The following CUX1 variants were observed in gnomAD, a reference collection of about 807,000 sequenced individuals.
The protein encoded by CUX1 is cut like homeobox 1.
A neutral mutation model predicts 158.8 loss-of-function variants in CUX1; 31 were observed. That is an observed-to-expected ratio of 0.20 (90% CI 0.15 to 0.26). The LOEUF is 0.26. Ranked by LOEUF, CUX1 falls within the 10% of genes least tolerant of loss-of-function variation. CUX1 has a pLI of 1.00. For synonymous variants in CUX1, 879 were observed against 862.1 expected, an observed-to-expected ratio of 1.02 and a Z score of -0.34; for missense variants, 1,589 against 2,014.6, an observed-to-expected ratio of 0.79 and a Z score of 4.04.
Position 102,068,225 on chromosome 7 carries a change from G to A in CUX1, c.190-2114G>A, listed in dbSNP as rs1248586622. Among the ~76,000 whole-genome samples the A allele has an allele frequency of 2.6e-5, 4 of 151,284 alleles. No individual in the cohort carries two copies. The East Asian group carries it at 7.9e-4, about 30-fold the overall frequency. On this transcript the variant is annotated intron_variant, in intron 3 of 23. Transcript: ENST00000292535. ...TCCCACCTCAGCCTCCCAAGTAGCT[G>A]GTATTACAGGTGCATTGCCACCCCG...
chr7:101,830,245 G>A (rs1176753574), intron 1 of CUX1, among the ~76,000 whole-genome samples: 2 of 152,200 alleles, frequency 1.3e-5, no homozygotes, highest in African/African-American at 2.4e-5. Flanking sequence ...TGACATGGTC[G>A]GGGCAGCACC....
At chr7:101,992,800 C>T (rs1422796951) in intron 2 of CUX1, among the ~76,000 whole-genome samples, 7 of 152,060 alleles carry the variant, frequency 4.6e-5, no homozygotes, top group Non-Finnish European at 1.0e-4. Context: ...CTCCAACCCC[C>T]GCCCCGCCGG....
chr7:102,270,055 C>G (rs147634425), intron 14 of CUX1, among the ~76,000 whole-genome samples: 1 of 152,346 alleles, frequency 6.6e-6, no homozygotes, highest in African/African-American at 2.4e-5. Flanking sequence ...ACAGCTCTCT[C>G]TCCAGCTCCT....
At chr7:102,269,817 A>T (rs1554545870) in intron 14 of CUX1, among the ~76,000 whole-genome samples, 3 of 141,212 alleles carry the variant, frequency 2.1e-5, no homozygotes, top group African/African-American at 7.4e-5. Flanking sequence ...GTCTTCTTCC[A>T]TGCCCCCCCC....
intron 2 of CUX1, among the ~76,000 whole-genome samples, chr7:101,996,422 C>T (rs908685927): frequency 2.0e-5 from 3 of 152,028 alleles, no homozygotes; most frequent in Admixed American, 6.5e-5. Flanking sequence ...GCAGGTGGTC[C>T]GGCCCTGCTG....
intron 2 of CUX1, among the ~76,000 whole-genome samples, chr7:102,026,527 A>G (rs1480976584): frequency 2.0e-5 from 3 of 152,060 alleles, no homozygotes; most frequent in Non-Finnish European, 4.4e-5. Context: ...GGCTTCATCA[A>G]CTAAAATGTA....
rs533736867 is a variant in CUX1, at chr7:102,266,065, G to A, written c.1256-7301G>A. Reference sequence around the variant, plus strand: ...CTAAAAATACAAAAATTAGCCAGGCGTGGTGGTTCATGCTTGTAGTCCCAG... The same window carrying A: ...CTAAAAATACAAAAATTAGCCAGGCATGGTGGTTCATGCTTGTAGTCCCAG... On this transcript the variant is annotated intron_variant, in intron 14 of 22. Coordinates refer to the CUX1 transcript ENST00000292538. 2.0e-4 allele frequency among the ~76,000 whole-genome samples: 31 copies of A among 152,038 alleles called. 1 individual carries two copies. The highest frequency in any genetic ancestry group is 4.8e-4 in the African/African-American group (20 of 41,508).
chr7:102,034,446 C>G (rs59092941), intron 3 of CUX1, among the ~76,000 whole-genome samples: 30,444 of 151,808 alleles, frequency 0.2, 3,614 homozygotes, highest in East Asian at 0.61. Flanking sequence ...GTGGTGGAAC[C>G]CTGTCTCTAC....
chr7:101,823,418 G>A (rs1264120480), intron 1 of CUX1, among the ~76,000 whole-genome samples: 1 of 152,218 alleles, frequency 6.6e-6, no homozygotes, highest in Admixed American at 6.5e-5. Flanking sequence ...GTGAAAATGA[G>A]CCCAATAAGG....
chr7:101,872,779 T>C (rs963453360), intron 1 of CUX1, among the ~76,000 whole-genome samples: 4 of 152,158 alleles, frequency 2.6e-5, no homozygotes, highest in East Asian at 1.9e-4. Flanking sequence ...ACTAAAGTTA[T>C]GTTGGTTTTA....
At chr7:101,984,069 TC>T (rs369578464) in intron 2 of CUX1, among the ~76,000 whole-genome samples, 10 of 64,724 alleles carry the variant, frequency 1.5e-4, no homozygotes, top group African/African-American at 3.5e-4. Context: ...CAAGACTCTG[TC>T]CCCCCCCAAA....
chr7:101,997,236 C>T (rs1048908071), intron 2 of CUX1, among the ~76,000 whole-genome samples: 1 of 151,602 alleles, frequency 6.6e-6, no homozygotes, highest in Non-Finnish European at 1.5e-5. Flanking sequence ...TGTGGGCCTC[C>T]CTGGGGTGCC....
intron 2 of CUX1, among the ~76,000 whole-genome samples, chr7:101,935,718 C>T (rs190618082): frequency 3.9e-5 from 6 of 152,272 alleles, no homozygotes; most frequent in African/African-American, 1.4e-4. Context: ...GGGGCTGTCA[C>T]GAGGCGTGAG....
chr7:102,245,528 C>T (rs1194317989), intron 23 of CUX1, among the ~76,000 whole-genome samples: 4 of 152,222 alleles, frequency 2.6e-5, no homozygotes, highest in Non-Finnish European at 5.9e-5. Context: ...TATCACAGCA[C>T]ACAAACAGCG....
At chr7:102,281,982 C>G (rs985336149) in intron 21 of CUX1, 7 of 1,177,206 alleles carry the variant, frequency 5.9e-6, no homozygotes, top group Non-Finnish European at 8.9e-6. Flanking sequence ...ACCTCCAGGG[C>G]AGCAGGGGCC....
rs1214923566 is a variant in CUX1, at chr7:102,249,324, C to CT, written c.*283dup. The stretch of plus-strand genomic sequence containing the variant: ...CAGACCCAGCCCGCGGCCTGGACCC[C>CT]TGGACCGCTTTGCGCACTTACCGCC... On this transcript the variant is annotated 3_prime_UTR_variant, in exon 24 of 24. Coordinates refer to ENST00000292535, the MANE Select transcript of CUX1 (RefSeq NM_181552.4). The CT allele has an allele frequency of 9.8e-7, 1 of 1,022,494 alleles. No homozygotes were observed. The highest frequency in any genetic ancestry group is 1.2e-6 in the Non-Finnish European group (1 of 853,634). 63.3% of individuals were successfully genotyped at this position (1,022,494 alleles called of 1,614,324 possible). A position where few individuals can be genotyped will look rare whatever the true frequency, so the allele number is the denominator to read the frequency against.
chr7:101,875,952 A>T (rs1175794919), intron 1 of CUX1, among the ~76,000 whole-genome samples: 1 of 152,168 alleles, frequency 6.6e-6, no homozygotes, highest in African/African-American at 2.4e-5. Context: ...CATGAATCCT[A>T]TGACTGCCGA....
At chr7:102,219,333 T>C (rs1433953388) in intron 20 of CUX1, among the ~76,000 whole-genome samples, 2 of 152,106 alleles carry the variant, frequency 1.3e-5, no homozygotes, top group African/African-American at 4.8e-5. Flanking sequence ...CCATCCCCTC[T>C]AGTTCCTCTG....
rs370948165 is a variant in CUX1 at position 101,923,945 on chromosome 7, G to A, written c.141+7720G>A. ...GCATTTCTCTGATTTCTGTGTTCCCGGGTAGCAGTTGTAAAAATTCAGGCT... is the reference window on the plus strand; with the variant it reads ...GCATTTCTCTGATTTCTGTGTTCCCAGGTAGCAGTTGTAAAAATTCAGGCT... On this transcript the variant is annotated intron_variant, in intron 2 of 23. Transcript: ENST00000292535. Among the ~76,000 whole-genome samples the A allele has an allele frequency of 1.8e-4, 27 of 152,318 alleles. 1 individual carries two copies. In the East Asian group the frequency reaches 2.5e-3, roughly 14 times the overall value.
Sources: allele counts gnomAD v4.1 joint callset (sites outside exome capture counted in the v4.1 genomes callset), GRCh38; gene constraint gnomAD v4.1.1; transcripts MANE v1.5; gene names NCBI Gene and HGNC (gene_info 2026-07-23, HGNC 2026-07-21).